AFF2: variants seen among roughly 807,000 people sequenced by gnomAD.
AFF2 encodes the protein ALF transcription elongation factor 2.
AFF2 carries 14 observed loss-of-function variants against 76.9 expected under a neutral mutation model. The ratio of observed to expected loss-of-function variants is 0.18; its 90% CI spans 0.12 to 0.28. AFF2 has a LOEUF of 0.28. AFF2 is among the 10% of genes least tolerant of loss of function. AFF2 has a pLI of 1.00. For missense variants in AFF2, 868 were observed against 1,001.1 expected (o/e 0.87, Z 1.79); for synonymous variants, 398 against 366.7 (o/e 1.09, Z -0.98).
At chrX:148,668,336 T>A (rs2054381501) in intron 3 of AFF2, among the ~76,000 whole-genome samples, 1 of 112,627 alleles carries the variant, frequency 8.9e-6, no homozygotes, top group South Asian at 3.6e-4. Flanking sequence ...TGTTGATGGA[T>A]CTACCATTCT....
chrX:148,690,492 G>A (rs1309976532), intron 3 of AFF2, among the ~76,000 whole-genome samples: 9 of 111,729 alleles, frequency 8.1e-5, no homozygotes, highest in Admixed American at 3.8e-4. Flanking sequence ...ACTTACTCAG[G>A]ACTATGTGTT....
At chrX:148,933,200 G>C (rs782446805) in intron 9 of AFF2, among the ~76,000 whole-genome samples, 21 of 111,956 alleles carry the variant, frequency 1.9e-4, no homozygotes, top group Admixed American at 1.9e-4. Flanking sequence ...CAAAGGCCTT[G>C]AGGCAAGAGT....
At chrX:148,968,170 C>T (rs781859791) in intron 15 of AFF2, among the ~76,000 whole-genome samples, 10 of 110,868 alleles carry the variant, frequency 9.0e-5, no homozygotes, top group Admixed American at 1.9e-4. Flanking sequence ...AGAGTGAGCC[C>T]CACAGTTAGG....
At chrX:148,987,332 C>T in intron 19 of AFF2, 35 bp from the exon 20 acceptor site, 7 of 1,161,273 alleles carry the variant, frequency 6.0e-6, no homozygotes, top group Non-Finnish European at 8.2e-6. Flanking sequence ...TCTTTCCTAC[C>T]AGCCTAACAA....
chrX:148,741,135 G>C (rs1365064497), intron 3 of AFF2, among the ~76,000 whole-genome samples: 1 of 111,663 alleles, frequency 9.0e-6, no homozygotes, highest in Non-Finnish European at 1.9e-5. Flanking sequence ...CTCCTGCCAG[G>C]GGGTGGTGCC....
At chrX:148,678,297 G>C (rs2054507138) in intron 3 of AFF2, among the ~76,000 whole-genome samples, 1 of 111,322 alleles carries the variant, frequency 9.0e-6, no homozygotes, top group Non-Finnish European at 1.9e-5. Context: ...CACAAATCTG[G>C]GCATTAAGTG....
intron 3 of AFF2, among the ~76,000 whole-genome samples, chrX:148,762,409 G>GTATATATATATATATATATATATATA (rs372864201): frequency 0.011 from 913 of 86,414 alleles, 18 homozygotes; most frequent in African/African-American, 0.023. Flanking sequence ...GTATTCTATG[G>GTATATATATATATATATATATATATA]TATATATATA....
intron 19 of AFF2, among the ~76,000 whole-genome samples, chrX:148,982,140 A>T (rs570359408): frequency 1.6e-4 from 18 of 111,929 alleles, no homozygotes; most frequent in South Asian, 7.5e-4. Flanking sequence ...GCGTTTTTTT[A>T]AAAAAAATTC....
chrX:148,774,679 G>A (rs186726543), intron 3 of AFF2, among the ~76,000 whole-genome samples: 147 of 111,437 alleles, frequency 1.3e-3, no homozygotes, highest in Admixed American at 5.6e-3. Context: ...CACTCTCTCC[G>A]TCTTACTTAT....
chrX:148,936,350 G>T (rs1042802706), intron 9 of AFF2, among the ~76,000 whole-genome samples: 6 of 112,095 alleles, frequency 5.4e-5, no homozygotes, highest in Admixed American at 9.5e-5. Context: ...CATTGTCAAG[G>T]CTGTAACTTT....
intron 3 of AFF2, among the ~76,000 whole-genome samples, chrX:148,708,669 G>T (rs1323066474): frequency 2.7e-5 from 3 of 111,830 alleles, no homozygotes; most frequent in African/African-American, 6.5e-5. Flanking sequence ...AGCCAAGATC[G>T]CGCCACCGCA....
chrX:148,610,988 CT>C (rs782048072), intron 1 of AFF2, among the ~76,000 whole-genome samples: 1 of 112,302 alleles, frequency 8.9e-6, no homozygotes, highest in Non-Finnish European at 1.9e-5. Context: ...AAAGCAGTAA[CT>C]TATTAAAATA....
intron 1 of AFF2, among the ~76,000 whole-genome samples, chrX:148,581,687 C>A (rs782676110): frequency 9.0e-6 from 1 of 111,443 alleles, no homozygotes; most frequent in East Asian, 2.9e-4. Flanking sequence ...TATACGTATA[C>A]GTATATGTAT....
chrX:148,914,961 CA>C lies in AFF2; in HGVS notation c.1397+10704del, dbSNP rs1165057235. ...TGGTGACTATAGACAGGGGTCCAAA[CA>C]GTAAATCAGTCCTCTGTCGACCGCA... On this transcript the variant is annotated intron_variant, in intron 9 of 20. Transcript: ENST00000370460. 6.2e-5 allele frequency among the ~76,000 whole-genome samples: 7 copies of C among 112,298 alleles called. No homozygotes were observed. The Admixed American group carries it at 6.6e-4, about 11-fold the overall frequency.
chrX:148,551,482 GAAAAAAA>G (rs781883999), intron 1 of AFF2, among the ~76,000 whole-genome samples: 36 of 38,009 alleles, frequency 9.5e-4, no homozygotes, highest in Admixed American at 3.6e-3. Flanking sequence ...GCTGGGAAGT[GAAAAAAA>G]AAAAAAAAAA....
intron 3 of AFF2, among the ~76,000 whole-genome samples, chrX:148,742,943 G>A (rs2055376462): frequency 9.0e-6 from 1 of 111,386 alleles, no homozygotes. Context: ...TGTAAAACTT[G>A]TCTCTACTCC....
chrX:148,632,105 C>T (rs2053987058), intron 1 of AFF2, among the ~76,000 whole-genome samples: 1 of 111,869 alleles, frequency 8.9e-6, no homozygotes, highest in Admixed American at 9.5e-5. Flanking sequence ...TTGTATTGAA[C>T]TTGAATGTTA....
At chrX:148,606,620 G>A (rs1464836930) in intron 1 of AFF2, among the ~76,000 whole-genome samples, 3 of 111,685 alleles carry the variant, frequency 2.7e-5, no homozygotes, top group Non-Finnish European at 5.7e-5. Flanking sequence ...GCTATAGCAT[G>A]TGAATGCTAT....
In AFF2 at chrX:148,998,966, A is replaced by G. The variant is rs1390590702; in HGVS notation, c.*7634A>G. On this transcript the variant is annotated 3_prime_UTR_variant, in exon 21 of 21. Coordinates refer to ENST00000370460, the MANE Select transcript of AFF2 (RefSeq NM_002025.4). ...TGATAAATCTGCATTAGACCAGGCT[A>G]TATGCTAGGAATGAAATCTGGGCAA... The G allele has an allele frequency of 9.0e-6, 1 of 110,805 alleles. No homozygotes were observed. The highest frequency in any genetic ancestry group is 1.9e-5 in the Non-Finnish European group (1 of 52,918). 9.1% of individuals were successfully genotyped at this position (110,805 alleles called of 1,213,427 possible). A position where few individuals can be genotyped will look rare whatever the true frequency, so the allele number is the denominator to read the frequency against.
Sources: allele counts gnomAD v4.1 joint callset (sites outside exome capture counted in the v4.1 genomes callset), GRCh38; gene constraint gnomAD v4.1.1; transcripts MANE v1.5; gene names NCBI Gene and HGNC (gene_info 2026-07-23, HGNC 2026-07-21).